SOX5: variants seen among roughly 807,000 people sequenced by gnomAD.
SOX5 encodes the protein transcription factor SOX-5.
A neutral mutation model predicts 92.0 loss-of-function variants in SOX5; 9 were observed. That is an observed-to-expected ratio of 0.10 (90% confidence interval 0.06 to 0.17). The LOEUF (loss-of-function observed/expected upper bound fraction) is 0.17. SOX5 is among the 10% of genes least tolerant of loss of function. The pLI is 1.00. For synonymous variants in SOX5, 344 were observed against 336.3 expected (o/e 1.02, Z -0.25); for missense variants, 642 against 944.5 (o/e 0.68, Z 4.20).
At chr12:24,358,874 C>T (rs1257991048) in intron 2 of SOX5, among the ~76,000 whole-genome samples, 1 of 152,134 alleles carries the variant, frequency 6.6e-6, no homozygotes, top group Non-Finnish European at 1.5e-5. Context: ...ATTTATTAAG[C>T]ATTTATTTAT....
At chr12:24,171,872 C>G (rs1478115075) in intron 4 of SOX5, among the ~76,000 whole-genome samples, 1 of 151,964 alleles carries the variant, frequency 6.6e-6, no homozygotes, top group South Asian at 2.1e-4. Flanking sequence ...CTGACGCACT[C>G]TGATTGAGGG....
At chr12:24,118,467 C>A (rs759371948) in intron 4 of SOX5, among the ~76,000 whole-genome samples, 22 of 151,992 alleles carry the variant, frequency 1.4e-4, no homozygotes, top group Non-Finnish European at 2.6e-4. Flanking sequence ...AATTCATTGA[C>A]ACAGACAGTT....
At chr12:24,341,324 T>G (rs1952551229) in intron 2 of SOX5, among the ~76,000 whole-genome samples, 1 of 151,752 alleles carries the variant, frequency 6.6e-6, no homozygotes, top group Non-Finnish European at 1.5e-5. Flanking sequence ...AAAAACATTT[T>G]AAAATTAGCC....
chr12:24,071,389 G>T (rs962866122), intron 4 of SOX5, among the ~76,000 whole-genome samples: 1 of 152,088 alleles, frequency 6.6e-6, no homozygotes, highest in African/African-American at 2.4e-5. Context: ...GAAAAGATGT[G>T]CCCACATTTA....
intron 1 of SOX5, among the ~76,000 whole-genome samples, chr12:24,388,573 C>G (rs1397744638): frequency 1.3e-5 from 2 of 152,126 alleles, no homozygotes; most frequent in Non-Finnish European, 2.9e-5. Flanking sequence ...GGTACCAATC[C>G]TCATTCTCCT....
At chr12:24,046,106 C>T (rs970580527) in intron 4 of SOX5, among the ~76,000 whole-genome samples, 1 of 152,194 alleles carries the variant, frequency 6.6e-6, no homozygotes, top group Non-Finnish European at 1.5e-5. Flanking sequence ...TTGTTCCTTC[C>T]TGACTACTGG....
At position 23,533,708 on chromosome 12, in the gene SOX5, G is replaced by A. The variant is rs1246839797; in HGVS notation, c.*511C>T. 6.6e-6 allele frequency: 1 copy of A among 151,810 alleles called. No individual in the cohort carries two copies. Among genetic ancestry groups the A allele is most frequent in the Non-Finnish European group, 1.5e-5 (1 of 68,162 alleles). 9.4% of individuals were successfully genotyped at this position (151,810 alleles called of 1,614,324 possible). A position where few individuals can be genotyped will look rare whatever the true frequency, so the allele number is the denominator to read the frequency against. ...TTCATTTTTCTTTTTTTTCTGTCAG[G>A]TGCATTACAAAGAAAAAAAATGAAA... is the stretch of plus-strand genomic sequence containing the variant. On this transcript the variant is annotated 3_prime_UTR_variant, in exon 15 of 15. Coordinates refer to ENST00000451604, the MANE Select transcript of SOX5 (RefSeq NM_006940.6).
intron 1 of SOX5, among the ~76,000 whole-genome samples, chr12:24,500,242 A>G (rs924798384): frequency 2.0e-5 from 3 of 152,222 alleles, no homozygotes; most frequent in African/African-American, 7.2e-5. Context: ...TGAAATGAAC[A>G]TAAATTTTTA....
chr12:24,496,297 C>T (rs1302461699), intron 1 of SOX5, among the ~76,000 whole-genome samples: 1 of 152,166 alleles, frequency 6.6e-6, no homozygotes, highest in Non-Finnish European at 1.5e-5. Context: ...GGCTACAAAT[C>T]CCTGGAGACA....
chr12:23,721,028 A>T (rs1357072826), intron 6 of SOX5, among the ~76,000 whole-genome samples: 1 of 152,062 alleles, frequency 6.6e-6, no homozygotes, highest in Admixed American at 6.5e-5. Flanking sequence ...AAGAAGAAAA[A>T]GCTGGACCGA....
intron 1 of SOX5, among the ~76,000 whole-genome samples, chr12:23,899,614 A>G (rs2097211976): frequency 6.6e-6 from 1 of 152,236 alleles, no homozygotes; most frequent in Admixed American, 6.5e-5. Context: ...AGAAACTGAC[A>G]TAAGACAGAC....
chr12:23,745,409 T>C (rs368978641), intron 4 of SOX5, among the ~76,000 whole-genome samples: 31 of 152,184 alleles, frequency 2.0e-4, no homozygotes, highest in African/African-American at 5.8e-4. Flanking sequence ...AGTCATATCA[T>C]GTCAGAGTCT....
At chr12:24,371,064 C>T (rs1215034128) in intron 1 of SOX5, among the ~76,000 whole-genome samples, 2 of 152,150 alleles carry the variant, frequency 1.3e-5, no homozygotes, top group African/African-American at 2.4e-5. Context: ...GATTTTGAGA[C>T]AGATTATCTA....
intron 1 of SOX5, among the ~76,000 whole-genome samples, chr12:24,401,876 A>G (rs2136649983): frequency 6.6e-6 from 1 of 152,222 alleles, no homozygotes; most frequent in Admixed American, 6.5e-5. Flanking sequence ...TGATCTGCAA[A>G]ACTGTTTTAG....
chr12:24,422,182 A>T (rs1200427474), intron 1 of SOX5, among the ~76,000 whole-genome samples: 1 of 152,222 alleles, frequency 6.6e-6, no homozygotes, highest in East Asian at 1.9e-4. Context: ...TCATTGCTGT[A>T]GTTTCACCCA....
chr12:24,306,401 GGACTGGGGTCATGCAAA>G (rs1948569166), intron 2 of SOX5, among the ~76,000 whole-genome samples: 1 of 152,218 alleles, frequency 6.6e-6, no homozygotes. Context: ...ACCGAAGTGT[GGACTGGGGTCATGCAAA>G]GATTGTTATT....
chr12:23,737,010 C>T (rs1267317314), intron 5 of SOX5, among the ~76,000 whole-genome samples: 50 of 148,824 alleles, frequency 3.4e-4, no homozygotes, highest in African/African-American at 1.2e-3. Flanking sequence ...TTTTTTTTTT[C>T]TGAAGAAAGT....
intron 2 of SOX5, among the ~76,000 whole-genome samples, chr12:24,350,480 C>T (rs1280963643): frequency 6.6e-6 from 1 of 152,030 alleles, no homozygotes; most frequent in Non-Finnish European, 1.5e-5. Flanking sequence ...AGTAGGTGGG[C>T]CTATAGGCAC....
chr12:23,823,001 A>C (rs1336077011), intron 3 of SOX5, among the ~76,000 whole-genome samples: 1 of 152,050 alleles, frequency 6.6e-6, no homozygotes, highest in Non-Finnish European at 1.5e-5. Context: ...TTCTGAGCCT[A>C]TGTGTGTCTT....
Sources: allele counts gnomAD v4.1 joint callset (sites outside exome capture counted in the v4.1 genomes callset), GRCh38; gene constraint gnomAD v4.1.1; transcripts MANE v1.5; gene names NCBI Gene and HGNC (gene_info 2026-07-23, HGNC 2026-07-21).